ZNF385D: variants seen among roughly 807,000 people sequenced by gnomAD.
ZNF385D encodes the protein zinc finger protein 385D.
A neutral mutation model predicts 35.8 loss-of-function variants in ZNF385D; 15 were observed. That is an observed-to-expected ratio of 0.42 (90% CI 0.28 to 0.64). ZNF385D has a LOEUF of 0.64. Ranked by LOEUF, ZNF385D falls within the 30% of genes least tolerant of loss-of-function variation. ZNF385D has a pLI of 0.23. For synonymous variants in ZNF385D, 212 were observed against 186.8 expected (o/e 1.13, Z -1.10); for missense variants, 474 against 494.6 (o/e 0.96, Z 0.39).
intron 3 of ZNF385D, among the ~76,000 whole-genome samples, chr3:21,775,271 A>G (rs1163338584): frequency 3.3e-5 from 5 of 151,822 alleles, no homozygotes; most frequent in Non-Finnish European, 7.4e-5. Flanking sequence ...GTTGCAAAGT[A>G]TTTGCAGCAA....
chr3:21,591,311 CAAT>C (rs2063969538), intron 2 of ZNF385D, among the ~76,000 whole-genome samples: 1 of 151,884 alleles, frequency 6.6e-6, no homozygotes, highest in African/African-American at 2.4e-5. Flanking sequence ...AATAATTTCA[CAAT>C]ATTATATTTT....
chr3:22,213,659 T>G (rs1475308244), intron 2 of ZNF385D, among the ~76,000 whole-genome samples: 1 of 152,004 alleles, frequency 6.6e-6, no homozygotes, highest in African/African-American at 2.4e-5. Flanking sequence ...CTCATGTCAG[T>G]GATGTTGGCA....
intron 4 of ZNF385D, among the ~76,000 whole-genome samples, chr3:21,448,564 A>G (rs954222392): frequency 6.6e-6 from 1 of 152,198 alleles, no homozygotes; most frequent in Admixed American, 6.5e-5. Flanking sequence ...CAGAGAAAAC[A>G]TGCTAATAAA....
intron 2 of ZNF385D, among the ~76,000 whole-genome samples, chr3:22,343,083 T>G (rs1038592679): frequency 6.6e-6 from 1 of 152,258 alleles, no homozygotes; most frequent in African/African-American, 2.4e-5. Flanking sequence ...CGATACATAT[T>G]TGGAGATATT....
intron 3 of ZNF385D, among the ~76,000 whole-genome samples, chr3:22,034,766 G>A (rs1381506710): frequency 6.6e-6 from 1 of 151,928 alleles, no homozygotes; most frequent in African/African-American, 2.4e-5. Flanking sequence ...TAAAAAGTAA[G>A]TATCATTAGG....
intron 3 of ZNF385D, among the ~76,000 whole-genome samples, chr3:22,150,139 G>A (rs1447124746): frequency 6.6e-6 from 1 of 152,090 alleles, no homozygotes; most frequent in Non-Finnish European, 1.5e-5. Context: ...ATAAGATAAT[G>A]CCAGAAATAA....
At chr3:21,894,377 T>A (rs112769746) in intron 3 of ZNF385D, among the ~76,000 whole-genome samples, 1,822 of 152,260 alleles carry the variant, frequency 0.012, 32 homozygotes, top group African/African-American at 0.042. Context: ...TATATTGGCA[T>A]AAATGCAAAG....
intron 3 of ZNF385D, among the ~76,000 whole-genome samples, chr3:21,525,681 T>C (rs2125515703): frequency 3.8e-5 from 2 of 52,778 alleles, no homozygotes; most frequent in South Asian, 9.4e-4. Flanking sequence ...CAAAATTCCA[T>C]CTCAAAAAAA....
intron 3 of ZNF385D, among the ~76,000 whole-genome samples, chr3:21,771,096 C>T (rs1163369014): frequency 1.6e-4 from 7 of 42,492 alleles, no homozygotes; most frequent in Admixed American, 3.2e-4. Context: ...GTTGTGGGGT[C>T]GGGGGAGGGG....
At chr3:22,354,592 A>G (rs1275184599) in intron 2 of ZNF385D, among the ~76,000 whole-genome samples, 2 of 152,074 alleles carry the variant, frequency 1.3e-5, no homozygotes, top group Non-Finnish European at 1.5e-5. Context: ...ATACATTAAA[A>G]CCTTAAGGAA....
intron 2 of ZNF385D, among the ~76,000 whole-genome samples, chr3:22,195,843 T>G: frequency 6.6e-6 from 1 of 151,986 alleles, no homozygotes; most frequent in East Asian, 1.9e-4. Context: ...TATACAGCCA[T>G]AAAAAAGAAC....
intron 3 of ZNF385D, among the ~76,000 whole-genome samples, chr3:22,030,280 T>TATCCTATACAAATAACAAATAGG (rs1298826552): frequency 1.8e-5 from 2 of 112,800 alleles, no homozygotes; most frequent in South Asian, 2.9e-4. Context: ...TATATATATA[T>TATCCTATACAAATAACAAATAGG]ATATATATAT....
At chr3:21,850,750 T>C (rs1329581258) in intron 3 of ZNF385D, among the ~76,000 whole-genome samples, 1 of 152,032 alleles carries the variant, frequency 6.6e-6, no homozygotes, top group Non-Finnish European at 1.5e-5. Context: ...TCGTTAAGAT[T>C]CCAGAAGGAC....
chr3:22,232,334 C>G (rs1027179823), intron 2 of ZNF385D, among the ~76,000 whole-genome samples: 33 of 136,632 alleles, frequency 2.4e-4, no homozygotes, highest in Non-Finnish European at 4.1e-4. Flanking sequence ...TTTTTTTTTT[C>G]AAATTTCCTA....
In ZNF385D at chr3:21,417,712, T is replaced by C. The variant is rs1017387476; in HGVS notation, c.*3502A>G. The C allele has an allele frequency of 6.6e-6, 1 of 152,174 alleles. No homozygotes were observed. Among genetic ancestry groups the C allele is most frequent in the Non-Finnish European group, 1.5e-5 (1 of 68,010 alleles). 9.4% of individuals were successfully genotyped at this position (152,174 alleles called of 1,614,324 possible). ...TCTATTTTGAAACTTCTGCTGTCTT[T>C]TAATTCTTAGTCTTTTATGATTTCC... On this transcript the variant is annotated 3_prime_UTR_variant, in exon 8 of 8. Transcript: ENST00000281523.
rs142092067 is a variant in ZNF385D at position 21,603,291 on chromosome 3, A to G, written c.166-38607T>C. Among the ~76,000 whole-genome samples, 200 of 152,330 alleles carry G rather than the reference A, an allele frequency of 1.3e-3. 3 individuals are homozygous for G. The East Asian group carries it at 0.036, about 28-fold the overall frequency. ...TTATATAATGCTGGAAGATATGCAC[A>G]TTAGTGCGACAGTTCTGTTTTGTAC... On this transcript the variant is annotated intron_variant, in intron 2 of 7. Transcript: ENST00000281523.
In ZNF385D at chr3:21,684,371, T is replaced by C. The variant is rs1402849030; in HGVS notation, c.23-19343A>G. 8.4e-4 allele frequency among the ~76,000 whole-genome samples: 37 copies of C among 44,128 alleles called. 1 individual carries two copies. The highest frequency in any genetic ancestry group is 1.6e-3 in the Non-Finnish European group (34 of 21,098). 28.9% of individuals were successfully genotyped at this position (44,128 alleles called of 152,430 possible). On this transcript the variant is annotated intron_variant, in intron 1 of 7. Coordinates refer to ENST00000281523, the MANE Select transcript of ZNF385D (RefSeq NM_024697.3). The stretch of plus-strand genomic sequence containing the variant: ...ATAAATGGTTAACTGTTCTCCTCTC[T>C]CTCTCTCTCTCTCTCTCTCTCTCTC...
At chr3:22,015,787 G>T (rs1696851442) in intron 3 of ZNF385D, among the ~76,000 whole-genome samples, 1 of 152,122 alleles carries the variant, frequency 6.6e-6, no homozygotes, top group Admixed American at 6.5e-5. Context: ...TTCCTAGGAA[G>T]ACTGGCTTGG....
chr3:21,829,373 T>C (rs1694845872), intron 3 of ZNF385D, among the ~76,000 whole-genome samples: 1 of 151,976 alleles, frequency 6.6e-6, no homozygotes, highest in African/African-American at 2.4e-5. Context: ...GATCAGCAAG[T>C]GCAAAGGCCC....
Sources: allele counts gnomAD v4.1 joint callset (sites outside exome capture counted in the v4.1 genomes callset), GRCh38; gene constraint gnomAD v4.1.1; transcripts MANE v1.5; gene names NCBI Gene and HGNC (gene_info 2026-07-23, HGNC 2026-07-21).